UTRN: variants seen among roughly 807,000 people sequenced by gnomAD.
The protein encoded by UTRN is utrophin.
Under a neutral mutation model 463.9 loss-of-function variants are expected in UTRN, and 283 were observed. The observed-to-expected ratio is 0.61, with a 90% confidence interval of 0.55 to 0.67. The LOEUF is 0.67. UTRN is among the 30% of genes least tolerant of loss of function. The pLI is 0.00. For synonymous variants in UTRN, 1,442 were observed against 1,431.5 expected, an observed-to-expected ratio of 1.01 and a Z score of -0.17; for missense variants, 3,922 against 4,084.3, an observed-to-expected ratio of 0.96 and a Z score of 1.08.
At chr6:144,507,042 C>T (rs149151696) in intron 34 of UTRN, among the ~76,000 whole-genome samples, 3,352 of 151,720 alleles carry the variant, frequency 0.022, 143 homozygotes, top group African/African-American at 0.077. Flanking sequence ...TGCTTTCTTC[C>T]GCTTGATCGA....
chr6:144,559,979 A>G (rs915576092), intron 50 of UTRN, among the ~76,000 whole-genome samples: 2 of 152,196 alleles, frequency 1.3e-5, no homozygotes, highest in East Asian at 3.9e-4. Context: ...AAATTTATTC[A>G]GGCTGCTATA....
chr6:144,410,627 T>G (rs868568339), intron 3 of UTRN, among the ~76,000 whole-genome samples: 2 of 151,930 alleles, frequency 1.3e-5, no homozygotes, highest in South Asian at 2.1e-4. Flanking sequence ...TCTTATACCT[T>G]TGGATCCTCA....
At chr6:144,330,902 G>A (rs1344445856) in intron 2 of UTRN, 2 of 985,268 alleles carry the variant, frequency 2.0e-6, no homozygotes, top group Non-Finnish European at 2.4e-6. Flanking sequence ...TGTGACTTCA[G>A]AAATCATGCA....
intron 52 of UTRN, among the ~76,000 whole-genome samples, chr6:144,689,357 A>G (rs969901931): frequency 6.6e-6 from 1 of 152,198 alleles, no homozygotes; most frequent in African/African-American, 2.4e-5. Flanking sequence ...GCAGAGCTGC[A>G]GACTTTCTCC....
intron 54 of UTRN, among the ~76,000 whole-genome samples, chr6:144,743,946 TATTC>T (rs1422045797): frequency 1.5e-4 from 22 of 150,820 alleles, no homozygotes; most frequent in African/African-American, 4.8e-4. Flanking sequence ...TATAAAATAA[TATTC>T]ATAATACATG....
chr6:144,311,297 T>C (rs1584239181), intron 2 of UTRN, among the ~76,000 whole-genome samples: 2 of 152,326 alleles, frequency 1.3e-5, no homozygotes, highest in Admixed American at 1.3e-4. Context: ...TGACGATGCA[T>C]TGCTGATAGG....
rs1418874924 is a variant in UTRN, at chr6:144,291,905, C to G, written c.77C>G (p.Ser26Cys). The part of the protein sequence containing the change: ...NEFSDIIKSR[S>C]DEHNDVQKKT... ...TTCAGTGATATCATTAAGTCCAGAT[C>G]TGGTAGGTAAAGGAAGCTCAAGAAA... Residue 26 changes from serine to cysteine, a missense_variant and splice_region_variant, in exon 2 of 75, where the codon TCT becomes TGT. Around this residue, in one of 3 missense-constraint regions of UTRN, gnomAD observed 264 missense variants for 327.9 expected, o/e 0.81. Coordinates refer to ENST00000367545, the MANE Select transcript of UTRN (RefSeq NM_007124.3). The G allele has an allele frequency of 6.2e-7, 1 of 1,609,032 alleles. No individual in the cohort carries two copies. Among genetic ancestry groups the G allele is most frequent in the African/African-American group, 1.3e-5 (1 of 74,788 alleles).
At chr6:144,623,248 A>G (rs2128648929) in intron 51 of UTRN, among the ~76,000 whole-genome samples, 1 of 152,346 alleles carries the variant, frequency 6.6e-6, no homozygotes, top group Non-Finnish European at 1.5e-5. Flanking sequence ...TGATTTAGCA[A>G]TATATTTTAT....
Position 144,438,885 on chromosome 6 carries a change from A to C in UTRN, c.1382A>C (p.Glu461Ala). Residue 461 changes from glutamate to alanine, a missense_variant, in exon 12 of 75, where the codon GAA becomes GCA. This residue lies in a region of UTRN where 2,349 missense variants were observed against 2,303.8 expected (regional missense o/e 1.02). Transcript: ENST00000367545. ...DDVKSLQKLL[E>A]EHKSLQSDLE... The stretch of plus-strand genomic sequence containing the variant: ...GTAAAATCTCTACAAAAGCTGCTAG[A>C]AGAACATAAAGTAAATCTGTCTCAT... 1 of 1,614,174 alleles carries C rather than the reference A, an allele frequency of 6.2e-7. No individual in the cohort carries two copies. The highest frequency in any genetic ancestry group is 1.7e-5 in the Admixed American group (1 of 60,032).
chr6:144,480,461 A>T (rs1437812497), intron 26 of UTRN, among the ~76,000 whole-genome samples: 2 of 152,188 alleles, frequency 1.3e-5, no homozygotes, highest in Admixed American at 1.3e-4. Flanking sequence ...TCTGAGGTTT[A>T]TTCTTATTTT....
rs781296154 is a variant in UTRN at position 144,835,919 on chromosome 6, G to A, written c.9805G>A (p.Asp3269Asn). 5 of 1,614,054 alleles carry A rather than the reference G, an allele frequency of 3.1e-6. No homozygotes were observed. In the South Asian group the frequency reaches 5.5e-5, roughly 18 times the overall value. ...ERGELERIIADLEEEQRNLQV... is the reference protein window; with the variant it reads ...ERGELERIIANLEEEQRNLQV... ...TGGAGAACTGGAGAGGATCATTGCT[G>A]ACCTGGAGGAAGAACAAAGGTGTGC... The change falls in exon 70 of 75, where the codon GAC (aspartate) becomes AAC (asparagine). Residue 3269 changes from aspartate (D) to asparagine (N), a missense_variant. By Grantham distance (23) the Asp-to-Asn change is conservative (BLOSUM62 1). Transcript: ENST00000367545.
intron 2 of UTRN, among the ~76,000 whole-genome samples, chr6:144,340,625 A>G (rs1777070584): frequency 6.6e-6 from 1 of 152,140 alleles, no homozygotes; most frequent in Admixed American, 6.5e-5. Flanking sequence ...GCCAGTTGCT[A>G]TTGAGCTATA....
At position 144,577,144 on chromosome 6, in the gene UTRN, G is replaced by A; in HGVS notation, c.7335G>A (p.Val2445=). The change falls in exon 51 of 75, where the codon GTG becomes GTA. Residue 2445 remains valine, a synonymous_variant. Coordinates refer to ENST00000367545, the MANE Select transcript of UTRN (RefSeq NM_007124.3). ...CCTTGGAGGCTGAGTGGAGGACGGT[G>A]CAGGCCTCTCGCAGAGATCTGGAAA... ...QNALEAEWRT[V]QASRRDLENF... is the part of the protein sequence containing the mutation. 6.2e-7 allele frequency: 1 copy of A among 1,613,942 alleles called. No homozygotes were observed. Among genetic ancestry groups the A allele is most frequent in the Non-Finnish European group, 8.5e-7 (1 of 1,179,900 alleles).
Position 144,577,213 on chromosome 6 carries a change from G to T in UTRN, c.7404G>T (p.Val2468=). The T allele has an allele frequency of 1.2e-6, 2 of 1,613,974 alleles. No homozygotes were observed. The highest frequency in any genetic ancestry group is 2.2e-5 in the South Asian group (2 of 91,090). ...WIQEAETTVN[V]LVDASHRENA... is the part of the protein sequence containing the mutation. ...AAGAAGCAGAGACCACAGTGAATGTGCTTGTGGATGCCTCTCATCGGGAGA... is the reference window on the plus strand; with the variant it reads ...AAGAAGCAGAGACCACAGTGAATGTTCTTGTGGATGCCTCTCATCGGGAGA... Residue 2468 remains valine, a synonymous_variant, in exon 51 of 75, where the codon GTG becomes GTT. Transcript: ENST00000367545.
intron 41 of UTRN, among the ~76,000 whole-genome samples, chr6:144,526,559 G>A (rs1293679886): frequency 6.6e-6 from 1 of 152,030 alleles, no homozygotes; most frequent in East Asian, 1.9e-4. Flanking sequence ...TTTGCCTTAA[G>A]TTTATGTGAG....
chr6:144,827,688 T>C lies in UTRN; in HGVS notation c.9599+12T>C. On this transcript the variant is annotated intron_variant, in intron 68 of 74. Coordinates refer to ENST00000367545, the MANE Select transcript of UTRN (RefSeq NM_007124.3). ...CAATATGCCACACGGTAAGAAACTT[T>C]GATCAGAGCCCTCCACTGCACTGCC... 1 of 1,613,314 alleles carries C rather than the reference T, an allele frequency of 6.2e-7. No individual in the cohort carries two copies. The highest frequency in any genetic ancestry group is 1.7e-5 in the Admixed American group (1 of 59,974).
chr6:144,421,533 T>A (rs1784828137), intron 3 of UTRN, among the ~76,000 whole-genome samples: 1 of 150,952 alleles, frequency 6.6e-6, no homozygotes, highest in Non-Finnish European at 1.5e-5. Flanking sequence ...ACTAAAAATA[T>A]AAAAAATTAG....
intron 39 of UTRN, among the ~76,000 whole-genome samples, chr6:144,521,221 C>T (rs960784131): frequency 1.6e-4 from 25 of 151,934 alleles, no homozygotes; most frequent in African/African-American, 5.8e-4. Flanking sequence ...GGGAGGCAGA[C>T]GGTGCAGTGA....
chr6:144,831,740 G>A (rs960675202), intron 69 of UTRN, among the ~76,000 whole-genome samples: 1 of 152,108 alleles, frequency 6.6e-6, no homozygotes, highest in Non-Finnish European at 1.5e-5. Flanking sequence ...AAGTGGGAAC[G>A]CAAGGACAAT....
Sources: gnomAD v4.1 joint callset for allele counts (sites outside exome capture counted in the v4.1 genomes callset) on GRCh38, gnomAD v4.1.1 for gene constraint, gnomAD v4.1.1 regional missense constraint, MANE v1.5 for transcripts, NCBI Gene and HGNC (gene_info 2026-07-23, HGNC 2026-07-21) for gene names.